The following CDKAL1 variants were observed in gnomAD, a reference collection of about 807,000 sequenced individuals.
The protein encoded by CDKAL1 is threonylcarbamoyladenosine tRNA methylthiotransferase.
A neutral mutation model predicts 68.2 loss-of-function variants in CDKAL1; 32 were observed. The observed-to-expected ratio is 0.47, with a 90% confidence interval of 0.35 to 0.63. CDKAL1 has a LOEUF of 0.63. Among genes scored for constraint, CDKAL1 ranks in the 30% least tolerant of loss-of-function variants. The probability of loss-of-function intolerance (pLI) is 0.00; values close to 1 mark genes in which losing one functional copy is unlikely to be tolerated. For synonymous variants in CDKAL1, 234 were observed against 244.3 expected (o/e 0.96, Z 0.39); for missense variants, 606 against 696.7 (o/e 0.87, Z 1.47).
At chr6:20,643,325 G>A (rs1440077001) in intron 4 of CDKAL1, among the ~76,000 whole-genome samples, 1 of 152,244 alleles carries the variant, frequency 6.6e-6, no homozygotes, top group Non-Finnish European at 1.5e-5. Context: ...TAACCTCTTA[G>A]CAGGTATTTG....
At chr6:20,549,626 T>C (rs890598187) in intron 4 of CDKAL1, among the ~76,000 whole-genome samples, 4 of 150,630 alleles carry the variant, frequency 2.7e-5, no homozygotes, top group Admixed American at 6.6e-5. Flanking sequence ...TTATTTACTT[T>C]GAGATGGGGT....
intron 4 of CDKAL1, among the ~76,000 whole-genome samples, chr6:20,611,371 T>C (rs1458710011): frequency 6.6e-6 from 1 of 152,176 alleles, no homozygotes; most frequent in Non-Finnish European, 1.5e-5. Flanking sequence ...TGTGCAGTGA[T>C]CCACCTGCCT....
chr6:21,214,442 T>G (rs1423921004), intron 15 of CDKAL1, among the ~76,000 whole-genome samples: 1 of 151,952 alleles, frequency 6.6e-6, no homozygotes, highest in Non-Finnish European at 1.5e-5. Context: ...CCTTGACCTC[T>G]CTCCCCTCGA....
intron 7 of CDKAL1, among the ~76,000 whole-genome samples, chr6:20,773,895 C>T (rs1306548136): frequency 6.6e-6 from 1 of 152,078 alleles, no homozygotes; most frequent in East Asian, 1.9e-4. Context: ...TTCTGCCACC[C>T]TTCTGCCCTC....
intron 8 of CDKAL1, among the ~76,000 whole-genome samples, chr6:20,806,088 A>G (rs1267726196): frequency 2.0e-5 from 3 of 152,170 alleles, no homozygotes; most frequent in Non-Finnish European, 2.9e-5. Flanking sequence ...CTGTACAGGT[A>G]ATAAGTGTAG....
chr6:21,085,698 C>G (rs1311553307), intron 12 of CDKAL1, among the ~76,000 whole-genome samples: 1 of 152,154 alleles, frequency 6.6e-6, no homozygotes, highest in Non-Finnish European at 1.5e-5. Flanking sequence ...TGGGCTCCAT[C>G]AAGAGAATTC....
At chr6:20,546,668 C>G in intron 3 of CDKAL1, 145 bp downstream of exon 3, 1 of 587,540 alleles carries the variant, frequency 1.7e-6, no homozygotes, top group Admixed American at 3.0e-5. Context: ...ATTCTCCTGC[C>G]TCTGCCTCCC....
intron 9 of CDKAL1, among the ~76,000 whole-genome samples, chr6:20,850,044 CT>C (rs1249324508): frequency 1.3e-5 from 2 of 152,124 alleles, no homozygotes; most frequent in African/African-American, 4.8e-5. Context: ...ATTACTATGA[CT>C]TTTGCACATT....
intron 4 of CDKAL1, among the ~76,000 whole-genome samples, chr6:20,614,862 C>T (rs560921257): frequency 5.3e-5 from 8 of 151,628 alleles, no homozygotes; most frequent in Non-Finnish European, 8.8e-5. Context: ...ATGTGCCATG[C>T]TGATGCGCTG....
chr6:20,758,702 C>T, intron 7 of CDKAL1, 59 bp downstream of exon 7: 2 of 1,274,672 alleles, frequency 1.6e-6, no homozygotes, highest in South Asian at 1.4e-5. Flanking sequence ...ATAGTAGAAA[C>T]ACCACTCAGG....
chr6:20,992,492 T>C (rs1162913855), intron 10 of CDKAL1, among the ~76,000 whole-genome samples: 1 of 152,216 alleles, frequency 6.6e-6, no homozygotes, highest in Non-Finnish European at 1.5e-5. Flanking sequence ...TGGGTGAAAC[T>C]TGCTTTGCCA....
At chr6:21,016,148 A>G (rs1317864005) in intron 11 of CDKAL1, among the ~76,000 whole-genome samples, 5 of 132,544 alleles carry the variant, frequency 3.8e-5, no homozygotes, top group Non-Finnish European at 6.5e-5. Context: ...GTGTATATAT[A>G]TGTGTATATA....
intron 4 of CDKAL1, among the ~76,000 whole-genome samples, chr6:20,552,346 CAA>C (rs895751415): frequency 1.6e-5 from 2 of 125,030 alleles, no homozygotes; most frequent in Non-Finnish European, 3.4e-5. Context: ...GATCCTATCT[CAA>C]AAAAAAAAAG....
At chr6:20,614,176 T>C (rs1766778913) in intron 4 of CDKAL1, among the ~76,000 whole-genome samples, 1 of 152,202 alleles carries the variant, frequency 6.6e-6, no homozygotes, top group Admixed American at 6.5e-5. Context: ...CTTCATGATA[T>C]GATTTCCAGA....
rs113829834 is a variant in CDKAL1, at chr6:20,842,701, G to A, written c.639-3374G>A. ...ACAAAATTAGCCAGGCGTAGTGGCA[G>A]GTACCTGTAGTCCCAGCTACTCGGG... is the stretch of plus-strand genomic sequence containing the variant. On this transcript the variant is annotated intron_variant, in intron 8 of 15. Coordinates refer to ENST00000274695, the MANE Select transcript of CDKAL1 (RefSeq NM_017774.3). Among the ~76,000 whole-genome samples the A allele has an allele frequency of 7.7e-3, 1,170 of 152,234 alleles. 22 individuals are homozygous for A. Among genetic ancestry groups the A allele is most frequent in the African/African-American group, 0.026 (1,095 of 41,526 alleles).
chr6:21,020,768 T>C (rs1768611379), intron 11 of CDKAL1, among the ~76,000 whole-genome samples: 1 of 147,786 alleles, frequency 6.8e-6, no homozygotes, highest in Non-Finnish European at 1.5e-5. Flanking sequence ...TGCCTGGCCT[T>C]TTTTCCTTTT....
chr6:20,989,487 TA>T (rs1766672619), intron 10 of CDKAL1, among the ~76,000 whole-genome samples: 1 of 152,210 alleles, frequency 6.6e-6, no homozygotes, highest in African/African-American at 2.4e-5. Context: ...ATAAATGACT[TA>T]AATATTTTAA....
At chr6:20,739,440 C>A in intron 5 of CDKAL1, 79 bp from the exon 6 acceptor site, 1 of 772,278 alleles carries the variant, frequency 1.3e-6, no homozygotes, top group Non-Finnish European at 2.1e-6. Flanking sequence ...ATTTGGAGAA[C>A]TAATATGCAC....
At chr6:20,922,135 A>G (rs1268800438) in intron 9 of CDKAL1, among the ~76,000 whole-genome samples, 1 of 152,214 alleles carries the variant, frequency 6.6e-6, no homozygotes, top group East Asian at 1.9e-4. Context: ...CAGAGAAAAG[A>G]ACCATCTCAA....
Sources: allele counts gnomAD v4.1 joint callset (sites outside exome capture counted in the v4.1 genomes callset), GRCh38; gene constraint gnomAD v4.1.1; transcripts MANE v1.5; gene names NCBI Gene and HGNC (gene_info 2026-07-23, HGNC 2026-07-21).